The following PABPC4L variants were observed in gnomAD, a reference collection of about 807,000 sequenced individuals.
The protein encoded by PABPC4L is poly(A) binding protein cytoplasmic 4 like, also known as polyadenylate-binding protein 4-like.
For synonymous variants in PABPC4L, 169 were observed against 164.1 expected, an observed-to-expected ratio of 1.03 and a Z score of -0.23; for missense variants, 452 against 451.4, an observed-to-expected ratio of 1.00 and a Z score of -0.01.
the PABPC4L span, among the ~76,000 whole-genome samples, chr4:133,952,976 G>A: frequency 2.0e-5 from 3 of 152,030 alleles, no homozygotes; most frequent in South Asian, 4.2e-4. Context: ...GGTACATTAG[G>A]GAGGAGCAAG....
At chr4:133,953,443 T>G in the PABPC4L span, among the ~76,000 whole-genome samples, 1 of 152,220 alleles carries the variant, frequency 6.6e-6, no homozygotes, top group Non-Finnish European at 1.5e-5. Flanking sequence ...TTGTAGTTTC[T>G]TAGTAATATC....
chr4:134,114,869 T>C, the PABPC4L span, among the ~76,000 whole-genome samples: 2 of 152,062 alleles, frequency 1.3e-5, no homozygotes, highest in East Asian at 3.9e-4. Context: ...CCTTTTATAG[T>C]ACAAATAATA....
At chr4:134,129,509 A>T in the PABPC4L span, among the ~76,000 whole-genome samples, 1 of 152,084 alleles carries the variant, frequency 6.6e-6, no homozygotes, top group Non-Finnish European at 1.5e-5. Context: ...TTGGACATGA[A>T]CTACAAAACG....
At chr4:134,144,594 A>T in the PABPC4L span, among the ~76,000 whole-genome samples, 2 of 150,826 alleles carry the variant, frequency 1.3e-5, no homozygotes, top group Non-Finnish European at 3.0e-5. Flanking sequence ...AAAAAAAAAA[A>T]ACAGTTCAGT....
chr4:134,056,489 ATT>A, the PABPC4L span, among the ~76,000 whole-genome samples: 1 of 151,836 alleles, frequency 6.6e-6, no homozygotes, highest in Non-Finnish European at 1.5e-5. Flanking sequence ...CTTTGCATCT[ATT>A]TACATTTTTC....
At chr4:134,128,774 A>C in the PABPC4L span, among the ~76,000 whole-genome samples, 3 of 152,166 alleles carry the variant, frequency 2.0e-5, no homozygotes, top group African/African-American at 7.2e-5. Flanking sequence ...AAAAGATACA[A>C]GGTATTCAGG....
chr4:134,102,771 G>A, the PABPC4L span, among the ~76,000 whole-genome samples: 2 of 151,170 alleles, frequency 1.3e-5, no homozygotes, highest in African/African-American at 2.4e-5. Flanking sequence ...TCCATAAAAA[G>A]GCAAAAGGCA....
At chr4:134,192,239 C>T (rs1729531117), downstream of PABPC4L, among the ~76,000 whole-genome samples, 1 of 151,974 alleles carries the variant, frequency 6.6e-6, no homozygotes, top group African/African-American at 2.4e-5. Flanking sequence ...AACTTTAAAA[C>T]ATTAAGTGAA....
the PABPC4L span, among the ~76,000 whole-genome samples, chr4:134,113,345 G>T: frequency 2.0e-5 from 3 of 151,834 alleles, no homozygotes; most frequent in Non-Finnish European, 2.9e-5. Flanking sequence ...AGCTCCATTC[G>T]TGGTAAGTGA....
the PABPC4L span, among the ~76,000 whole-genome samples, chr4:134,095,879 A>C: frequency 6.6e-6 from 1 of 151,946 alleles, no homozygotes; most frequent in Non-Finnish European, 1.5e-5. Context: ...CAAAAGTTGC[A>C]CCCTGCACAG....
the PABPC4L span, among the ~76,000 whole-genome samples, chr4:133,954,627 G>A: frequency 2.6e-5 from 4 of 152,064 alleles, no homozygotes; most frequent in East Asian, 7.7e-4. Flanking sequence ...TTGTTCCCTA[G>A]GCCTAGAATT....
At chr4:134,129,236 A>G in the PABPC4L span, among the ~76,000 whole-genome samples, 1 of 152,144 alleles carries the variant, frequency 6.6e-6, no homozygotes, top group African/African-American at 2.4e-5. Flanking sequence ...GGGGGACTTT[A>G]ATACTCCACT....
At chr4:134,109,127 GGA>G in the PABPC4L span, among the ~76,000 whole-genome samples, 1 of 151,704 alleles carries the variant, frequency 6.6e-6, no homozygotes, top group Non-Finnish European at 1.5e-5. Context: ...CTTTTCATAT[GGA>G]AATATCAAGG....
At chr4:134,023,321 T>A in the PABPC4L span, among the ~76,000 whole-genome samples, 1 of 152,292 alleles carries the variant, frequency 6.6e-6, no homozygotes, top group East Asian at 1.9e-4. Flanking sequence ...GCCTGTAATA[T>A]AATTCAAAAT....
chr4:133,969,986 C>T, the PABPC4L span, among the ~76,000 whole-genome samples: 1 of 150,716 alleles, frequency 6.6e-6, no homozygotes, highest in Non-Finnish European at 1.5e-5. Flanking sequence ...CAAAACAGTG[C>T]TTGCTAAGGT....
the PABPC4L span, among the ~76,000 whole-genome samples, chr4:134,121,574 CAATT>C: frequency 6.6e-6 from 1 of 151,686 alleles, no homozygotes; most frequent in African/African-American, 2.4e-5. Flanking sequence ...CCATAGGTCT[CAATT>C]AAATACCTGA....
the PABPC4L span, among the ~76,000 whole-genome samples, chr4:133,992,274 C>A: frequency 1.3e-5 from 2 of 152,182 alleles, no homozygotes; most frequent in Non-Finnish European, 2.9e-5. Flanking sequence ...CTGTGGTAGA[C>A]CTCTCAGCCA....
At chr4:134,101,639 T>C in the PABPC4L span, among the ~76,000 whole-genome samples, 1 of 151,488 alleles carries the variant, frequency 6.6e-6, no homozygotes, top group Non-Finnish European at 1.5e-5. Flanking sequence ...TTTATACAGC[T>C]GTGGGAATTA....
At chr4:134,174,721 T>C in the PABPC4L span, among the ~76,000 whole-genome samples, 1 of 152,188 alleles carries the variant, frequency 6.6e-6, no homozygotes, top group Non-Finnish European at 1.5e-5. Context: ...TACGTAAGTA[T>C]TCATTATTGT....
Sources: allele counts gnomAD v4.1 joint callset (sites outside exome capture counted in the v4.1 genomes callset), GRCh38; gene constraint gnomAD v4.1.1; transcripts MANE v1.5; gene names NCBI Gene and HGNC (gene_info 2026-07-23, HGNC 2026-07-21).